LY6S: variants seen among roughly 807,000 people sequenced by gnomAD.
The protein encoded by LY6S is lymphocyte antigen 6S.
chr8:143,061,277 C>A, the LY6S span, among the ~76,000 whole-genome samples: 3 of 147,858 alleles, frequency 2.0e-5, no homozygotes, highest in South Asian at 4.2e-4. Context: ...AAAAAAAAAT[C>A]ACTGAATGAA....
chr8:143,071,316 G>A, the LY6S span, among the ~76,000 whole-genome samples: 1 of 152,206 alleles, frequency 6.6e-6, no homozygotes, highest in Non-Finnish European at 1.5e-5. Flanking sequence ...AGGGCTATGG[G>A]ATAGAGGGGA....
chr8:143,070,548 A>G, the LY6S span, among the ~76,000 whole-genome samples: 6 of 139,524 alleles, frequency 4.3e-5, no homozygotes, highest in African/African-American at 1.6e-4. Flanking sequence ...GTGTAGTGGC[A>G]TGATCTCAGC....
At chr8:143,071,195 A>ATG in the LY6S span, among the ~76,000 whole-genome samples, 18 of 130,678 alleles carry the variant, frequency 1.4e-4, no homozygotes, top group Admixed American at 3.0e-4. Flanking sequence ...AAGACCCGGC[A>ATG]GCATGGATGT....
At chr8:143,051,578 G>A in the LY6S span, among the ~76,000 whole-genome samples, 2 of 151,774 alleles carry the variant, frequency 1.3e-5, no homozygotes, top group African/African-American at 4.8e-5. Context: ...ACAAGCATAA[G>A]CTAAAGAAAG....
At chr8:143,043,824 C>G in the LY6S span, among the ~76,000 whole-genome samples, 1 of 152,180 alleles carries the variant, frequency 6.6e-6, no homozygotes, top group South Asian at 2.1e-4. Flanking sequence ...TACAGGCATG[C>G]CCCACCAGGC....
the LY6S span, among the ~76,000 whole-genome samples, chr8:143,071,872 G>T: frequency 4.6e-5 from 7 of 152,130 alleles, no homozygotes; most frequent in Non-Finnish European, 8.8e-5. Context: ...GAGCCACACG[G>T]GAGGGAGTCT....
At chr8:143,044,891 CT>C in the LY6S span, 1 of 1,212,202 alleles carries the variant, frequency 8.2e-7, no homozygotes, top group Non-Finnish European at 1.1e-6. Context: ...AGGGCACCCA[CT>C]CTCACCACCA....
the LY6S span, among the ~76,000 whole-genome samples, chr8:143,060,269 T>C: frequency 6.6e-6 from 1 of 152,178 alleles, no homozygotes; most frequent in Non-Finnish European, 1.5e-5. Context: ...AAGACTCTGC[T>C]CCAGCACCTC....
the LY6S span, among the ~76,000 whole-genome samples, chr8:143,072,789 G>A: frequency 1.5e-5 from 2 of 132,248 alleles, no homozygotes; most frequent in Admixed American, 7.5e-5. Flanking sequence ...GTCGTCCCCG[G>A]GGTCCCTGTT....
chr8:143,075,071 C>T, the LY6S span, among the ~76,000 whole-genome samples: 3 of 152,198 alleles, frequency 2.0e-5, no homozygotes, highest in Admixed American at 1.3e-4. This position sits in a 1 kb window ranked among gnomAD's most constrained non-coding sequence, Gnocchi z 4.1. Flanking sequence ...TTTTGCATTA[C>T]AAAATCTGGG....
At chr8:143,066,120 G>T in the LY6S span, 1 of 384,022 alleles carries the variant, frequency 2.6e-6, no homozygotes, top group Non-Finnish European at 4.9e-6. Flanking sequence ...CCTGACTGCT[G>T]CGGCCTCCAT....
the LY6S span, among the ~76,000 whole-genome samples, chr8:143,070,474 TAAATATATATATATA>T: frequency 2.0e-5 from 1 of 49,794 alleles, no homozygotes; most frequent in African/African-American, 7.8e-5. Context: ...AATATATATA[TAAATATATATATATA>T]TTTTTTTTTT....
the LY6S span, among the ~76,000 whole-genome samples, chr8:143,064,655 TTCTGTG>T: frequency 1.3e-5 from 2 of 152,198 alleles, no homozygotes; most frequent in Admixed American, 1.3e-4. Context: ...ACAATTGGCT[TTCTGTG>T]TCTGTGGGTA....
the LY6S span, among the ~76,000 whole-genome samples, chr8:143,050,433 A>T: frequency 5.3e-5 from 8 of 152,124 alleles, no homozygotes; most frequent in East Asian, 1.5e-3. Context: ...CACCCGTCTC[A>T]GCCTCCTAAA....
the LY6S span, among the ~76,000 whole-genome samples, chr8:143,071,932 T>G: frequency 1.3e-5 from 2 of 152,014 alleles, no homozygotes; most frequent in Admixed American, 6.6e-5. Context: ...CAACAGAAAA[T>G]CCAGCACCAT....
At chr8:143,062,117 A>G in the LY6S span, among the ~76,000 whole-genome samples, 5 of 152,230 alleles carry the variant, frequency 3.3e-5, no homozygotes, top group Non-Finnish European at 7.3e-5. Flanking sequence ...TATGATTAGA[A>G]AGGAAATGAA....
the LY6S span, among the ~76,000 whole-genome samples, chr8:143,070,489 A>ATAT: frequency 1.3e-4 from 11 of 81,712 alleles, no homozygotes; most frequent in South Asian, 3.2e-3. Context: ...ATATATATAT[A>ATAT]TTTTTTTTTT....
the LY6S span, among the ~76,000 whole-genome samples, chr8:143,043,668 C>CT: frequency 0.013 from 1,865 of 145,572 alleles, 30 homozygotes; most frequent in East Asian, 0.069. Context: ...TCCAGGCTGG[C>CT]TTTTTTTTTT....
chr8:143,043,948 T>G, the LY6S span, among the ~76,000 whole-genome samples: 1 of 152,334 alleles, frequency 6.6e-6, no homozygotes, highest in East Asian at 1.9e-4. Context: ...GTGCTGGGAC[T>G]ACAGTCATGA....
Sources: allele counts gnomAD v4.1 joint callset (sites outside exome capture counted in the v4.1 genomes callset), GRCh38; gene constraint gnomAD v4.1.1; non-coding constraint Gnocchi (gnomAD v3.1); transcripts MANE v1.5; gene names NCBI Gene and HGNC (gene_info 2026-07-23, HGNC 2026-07-21).